Variants in ROBO1 observed in about 807,000 individuals in gnomAD.
ROBO1 encodes roundabout homolog 1.
In ROBO1, 149 loss-of-function variants were observed where a neutral mutation model predicts 195.9. The ratio of observed to expected loss-of-function variants is 0.76; its 90% confidence interval spans 0.67 to 0.87. ROBO1 has a LOEUF of 0.87. Ranked by LOEUF, ROBO1 falls within the 40% of genes least tolerant of loss-of-function variation. The pLI, the probability that ROBO1 is intolerant of heterozygous loss-of-function variation, is 0.00. For synonymous variants in ROBO1, 816 were observed against 733.2 expected, an observed-to-expected ratio of 1.11 and a Z score of -1.82; for missense variants, 1,933 against 2,068.3, an observed-to-expected ratio of 0.93 and a Z score of 1.27.
At chr3:79,293,900 T>C (rs1265703836) in intron 2 of ROBO1, among the ~76,000 whole-genome samples, 2 of 149,444 alleles carry the variant, frequency 1.3e-5, no homozygotes, top group African/African-American at 4.9e-5. Context: ...CTACTAAAAA[T>C]ACAAAAAATT....
In ROBO1 at chr3:78,916,216, C is replaced by G. The variant is rs191293095; in HGVS notation, c.499+22385G>C. Among the ~76,000 whole-genome samples the G allele has an allele frequency of 6.3e-3, 926 of 146,844 alleles. 12 individuals are homozygous for G. The highest frequency in any genetic ancestry group is 0.022 in the African/African-American group (882 of 39,404). The stretch of plus-strand genomic sequence containing the variant: ...AGTGAGCCGAGATCGCGCCACTGCA[C>G]TCCAGCCTGGGCGACAGCGAGACTC... On this transcript the variant is annotated intron_variant, in intron 4 of 30. Coordinates refer to ENST00000464233, the MANE Select transcript of ROBO1 (RefSeq NM_002941.4).
At chr3:79,065,908 TA>T (rs1344672162) in intron 3 of ROBO1, among the ~76,000 whole-genome samples, 2 of 151,916 alleles carry the variant, frequency 1.3e-5, no homozygotes, top group Non-Finnish European at 2.9e-5. Context: ...TTTAAAAACG[TA>T]CAATTAGAAT....
chr3:78,935,714 C>T (rs2039769502), intron 4 of ROBO1, among the ~76,000 whole-genome samples: 1 of 152,000 alleles, frequency 6.6e-6, no homozygotes, highest in African/African-American at 2.4e-5. Context: ...GCAAAGTATT[C>T]TAAATTAAAT....
chr3:78,617,109 TAAAG>T (rs924631508), intron 27 of ROBO1, among the ~76,000 whole-genome samples: 38 of 152,174 alleles, frequency 2.5e-4, no homozygotes, highest in African/African-American at 9.1e-4. Flanking sequence ...TGAGAGGACA[TAAAG>T]AGAATGGGAA....
At chr3:78,812,942 C>G (rs949976272) in intron 4 of ROBO1, among the ~76,000 whole-genome samples, 1 of 152,024 alleles carries the variant, frequency 6.6e-6, no homozygotes, top group African/African-American at 2.4e-5. Flanking sequence ...GAAATATTAA[C>G]TATCTTGTAC....
chr3:79,376,212 C>T (rs2036377270), intron 2 of ROBO1, among the ~76,000 whole-genome samples: 1 of 152,138 alleles, frequency 6.6e-6, no homozygotes, highest in South Asian at 2.1e-4. Context: ...TGCCTTATTT[C>T]CCAAACCTCT....
At chr3:79,057,619 C>T (rs1251699093) in intron 3 of ROBO1, among the ~76,000 whole-genome samples, 1 of 151,968 alleles carries the variant, frequency 6.6e-6, no homozygotes, top group Non-Finnish European at 1.5e-5. Flanking sequence ...TTTCTATTAC[C>T]CTGGAAATAA....
In ROBO1 at chr3:79,066,026, C is replaced by G. The variant is rs2078997403; in HGVS notation, c.172+59430G>C. Among the ~76,000 whole-genome samples the G allele has an allele frequency of 2.0e-5, 3 of 151,822 alleles. No individual in the cohort carries two copies. The South Asian group carries it at 6.2e-4, about 31-fold the overall frequency. On this transcript the variant is annotated intron_variant, in intron 3 of 30. Coordinates refer to ENST00000464233, the MANE Select transcript of ROBO1 (RefSeq NM_002941.4). ...TTCTGTTTACAAGACTTTAGACTTG[C>G]CAAATGAGTAGAAAGTGAGCTTAAT...
intron 4 of ROBO1, among the ~76,000 whole-genome samples, chr3:78,833,375 CA>C (rs1484512777): frequency 1.3e-5 from 2 of 152,046 alleles, no homozygotes. Flanking sequence ...GTTGCACTCA[CA>C]ACAGATATAA....
intron 3 of ROBO1, among the ~76,000 whole-genome samples, chr3:78,986,256 C>A (rs998860798): frequency 6.6e-6 from 1 of 152,120 alleles, no homozygotes; most frequent in Non-Finnish European, 1.5e-5. Context: ...TGCCCTGGAT[C>A]AGTCCTTAAT....
chr3:79,045,574 A>C (rs2078575653), intron 3 of ROBO1, among the ~76,000 whole-genome samples: 1 of 152,126 alleles, frequency 6.6e-6, no homozygotes, highest in Non-Finnish European at 1.5e-5. Context: ...CTAAACATGG[A>C]GAATTAACAA....
chr3:78,915,980 G>A (rs1256931405), intron 4 of ROBO1, among the ~76,000 whole-genome samples: 2 of 152,090 alleles, frequency 1.3e-5, no homozygotes, highest in East Asian at 1.9e-4. Flanking sequence ...GGCCAGTCGC[G>A]GTGGCTCACG....
At chr3:79,093,268 C>G (rs1167823456) in intron 3 of ROBO1, among the ~76,000 whole-genome samples, 5 of 152,086 alleles carry the variant, frequency 3.3e-5, no homozygotes, top group African/African-American at 1.2e-4. Flanking sequence ...TACTGTGGAA[C>G]TGAATGTGTG....
intron 3 of ROBO1, among the ~76,000 whole-genome samples, chr3:79,053,828 A>G (rs2078751645): frequency 6.6e-6 from 1 of 152,078 alleles, no homozygotes; most frequent in Non-Finnish European, 1.5e-5. Context: ...ACAAAGAAAC[A>G]AGTGGATTAG....
chr3:79,424,114 G>A (rs985700588), intron 2 of ROBO1, among the ~76,000 whole-genome samples: 3 of 151,974 alleles, frequency 2.0e-5, no homozygotes, highest in African/African-American at 4.8e-5. Context: ...GGCTGCATGC[G>A]GGTAAAGATA....
intron 1 of ROBO1, among the ~76,000 whole-genome samples, chr3:79,630,051 G>A (rs773917750): frequency 1.3e-4 from 20 of 151,866 alleles, no homozygotes; most frequent in Non-Finnish European, 2.5e-4. Context: ...AATTTTACAA[G>A]ATATACAATA....
At position 78,627,624 on chromosome 3, in the gene ROBO1, T is replaced by C. The variant is rs980895349; in HGVS notation, c.3627-55A>G. 4.0e-6 allele frequency: 6 copies of C among 1,513,570 alleles called. No homozygotes were observed. The African/African-American group carries it at 8.3e-5, about 21-fold the overall frequency. The allele number at this position is 1,513,570 out of a possible 1,614,324, so 93.8% of individuals were successfully genotyped here. A position where few individuals can be genotyped will look rare whatever the true frequency, so the allele number is the denominator to read the frequency against. On this transcript the variant is annotated intron_variant, in intron 25 of 30. Coordinates refer to ENST00000464233, the MANE Select transcript of ROBO1 (RefSeq NM_002941.4). ...TACTTCAGGTTATTCAAATAAACTA[T>C]TTGGATAGTAATGAAATGTCACCTT...
chr3:79,146,575 T>G (rs1389615013), intron 2 of ROBO1, among the ~76,000 whole-genome samples: 4 of 151,976 alleles, frequency 2.6e-5, no homozygotes, highest in Non-Finnish European at 4.4e-5. Context: ...TACATATGCA[T>G]ATATCCTGGA....
intron 2 of ROBO1, among the ~76,000 whole-genome samples, chr3:79,134,371 TA>T (rs2080357724): frequency 9.8e-6 from 1 of 102,248 alleles, no homozygotes; most frequent in African/African-American, 3.9e-5. Context: ...TGGCAATCAT[TA>T]AAAAGTCAGG....
Sources: gnomAD v4.1 joint callset for allele counts (sites outside exome capture counted in the v4.1 genomes callset) on GRCh38, gnomAD v4.1.1 for gene constraint, MANE v1.5 for transcripts, NCBI Gene and HGNC (gene_info 2026-07-23, HGNC 2026-07-21) for gene names.